The following SUZ12 variants were observed in gnomAD, a reference collection of about 807,000 sequenced individuals.
SUZ12 encodes SUZ12 polycomb repressive complex 2 subunit.
Under a neutral mutation model 87.3 loss-of-function variants are expected in SUZ12, and 17 were observed. The observed-to-expected ratio is 0.19, with a 90% confidence interval of 0.13 to 0.29. SUZ12 has a LOEUF of 0.29. Ranked by LOEUF, SUZ12 falls within the 10% of genes least tolerant of loss-of-function variation. The pLI is 1.00. For missense variants in SUZ12, 526 were observed against 912.2 expected (o/e 0.58, Z 5.45); for synonymous variants, 253 against 312.4 (o/e 0.81, Z 2.01).
intron 8 of SUZ12, among the ~76,000 whole-genome samples, chr17:31,979,102 C>CAAAAAA (rs1908933937): frequency 1.8e-5 from 1 of 56,122 alleles, no homozygotes; most frequent in Non-Finnish European, 3.1e-5. Context: ...GACTGTGTCT[C>CAAAAAA]CAAAAAAAAA....
chr17:31,995,855 C>T, intron 14 of SUZ12, 93 bp downstream of exon 14: 2 of 792,206 alleles, frequency 2.5e-6, no homozygotes. Flanking sequence ...TGTAAAGGAA[C>T]TTTTTTTAAA....
chr17:31,967,826 A>G (rs1232545184), intron 5 of SUZ12, among the ~76,000 whole-genome samples: 2 of 152,098 alleles, frequency 1.3e-5, no homozygotes, highest in African/African-American at 4.8e-5. Context: ...TGATTGCACA[A>G]CTCTACTCCA....
intron 4 of SUZ12, among the ~76,000 whole-genome samples, chr17:31,949,852 T>A (rs1421476659): frequency 1.3e-5 from 2 of 151,362 alleles, no homozygotes; most frequent in Non-Finnish European, 2.9e-5. Context: ...CCCAGCTGAT[T>A]TTGTATTTTT....
At chr17:31,967,067 T>A (rs1908137203) in intron 5 of SUZ12, 1 of 151,770 alleles carries the variant, frequency 6.6e-6, no homozygotes, top group African/African-American at 2.4e-5. Flanking sequence ...GGCGTGGTGG[T>A]GGGTGCCTGT....
intron 15 of SUZ12, among the ~76,000 whole-genome samples, chr17:31,998,330 C>T (rs1163887084): frequency 1.3e-5 from 2 of 152,058 alleles, no homozygotes; most frequent in East Asian, 3.9e-4. Context: ...CCACCCACCT[C>T]GGCCTCCCAA....
In SUZ12 at chr17:31,939,366, A is replaced by C. The variant is rs566614583; in HGVS notation, c.275-920A>C. Among the ~76,000 whole-genome samples the C allele has an allele frequency of 9.5e-4, 144 of 151,880 alleles. 2 individuals carry two copies. The highest frequency in any genetic ancestry group is 3.5e-3 in the African/African-American group (144 of 41,382). On this transcript the variant is annotated intron_variant, in intron 1 of 15. Transcript: ENST00000322652. ...GATCTGTTGAGCCCACGAGTTTGAG[A>C]CCAGCCTGGGCAACATATCAAGACC...
At chr17:31,973,267 G>T (rs1316287289) in intron 6 of SUZ12, 36 bp downstream of exon 6, 5 of 1,318,016 alleles carry the variant, frequency 3.8e-6, no homozygotes, top group Non-Finnish European at 5.2e-6. Flanking sequence ...AGATTAAATG[G>T]AATAATTTGC....
At chr17:31,972,470 T>G (rs1375023321) in intron 5 of SUZ12, among the ~76,000 whole-genome samples, 1 of 151,568 alleles carries the variant, frequency 6.6e-6, no homozygotes, top group Non-Finnish European at 1.5e-5. Context: ...TAGAGGGCAG[T>G]GACAGGATCA....
At chr17:31,970,680 A>T (rs1340399684) in intron 5 of SUZ12, among the ~76,000 whole-genome samples, 2 of 152,036 alleles carry the variant, frequency 1.3e-5, no homozygotes, top group African/African-American at 4.8e-5. Flanking sequence ...TGTAGTCTGT[A>T]GTCCCAGCTA....
At chr17:31,952,336 A>G (rs897096307) in intron 4 of SUZ12, among the ~76,000 whole-genome samples, 13 of 152,186 alleles carry the variant, frequency 8.5e-5, no homozygotes, top group African/African-American at 3.1e-4. Flanking sequence ...CCGGGATTAC[A>G]GGTGTGAGCC....
At chr17:31,953,942 G>C (rs1907141382) in intron 4 of SUZ12, among the ~76,000 whole-genome samples, 3 of 151,450 alleles carry the variant, frequency 2.0e-5, no homozygotes, top group Admixed American at 2.0e-4. Context: ...TTGATCTCCT[G>C]ACCTTGTGAT....
At chr17:31,974,886 G>T (rs1469831787) in intron 6 of SUZ12, among the ~76,000 whole-genome samples, 1 of 152,022 alleles carries the variant, frequency 6.6e-6, no homozygotes, top group African/African-American at 2.4e-5. Flanking sequence ...TACAATAACA[G>T]AATATTACTC....
At chr17:31,971,265 A>G (rs1434757657) in intron 5 of SUZ12, among the ~76,000 whole-genome samples, 2 of 152,136 alleles carry the variant, frequency 1.3e-5, no homozygotes, top group Admixed American at 6.6e-5. Flanking sequence ...GGTCAGATCA[A>G]GAACTTTTTA....
At chr17:31,978,543 G>A (rs1240239399) in intron 8 of SUZ12, among the ~76,000 whole-genome samples, 2 of 152,030 alleles carry the variant, frequency 1.3e-5, no homozygotes, top group Non-Finnish European at 2.9e-5. Context: ...ATTGTGGATC[G>A]AAGATTTAAA....
At chr17:31,972,006 G>A (rs1450942067) in intron 5 of SUZ12, among the ~76,000 whole-genome samples, 10 of 151,966 alleles carry the variant, frequency 6.6e-5, no homozygotes, top group African/African-American at 1.2e-4. Flanking sequence ...AAATATGGCC[G>A]GGTGTGGTGG....
chr17:31,987,167 CA>C (rs1366969706), intron 9 of SUZ12, among the ~76,000 whole-genome samples: 1 of 151,904 alleles, frequency 6.6e-6, no homozygotes, highest in Non-Finnish European at 1.5e-5. Flanking sequence ...AATATAATTC[CA>C]AAATTTTTAG....
At position 31,949,676 on chromosome 17, in the gene SUZ12, C is replaced by CTTTTTTTTTTTTTT. The variant is rs71360790; in HGVS notation, c.455+2007_455+2020dup. On this transcript the variant is annotated intron_variant, in intron 4 of 15. Transcript: ENST00000322652. ...CCACACCCAGCCCCCCCCCCCCCCC[C>CTTTTTTTTTTTTTT]TTTTTTTTTTTTTTTTTTTTTTTTT... Among the ~76,000 whole-genome samples, 2 of 12,388 alleles carry CTTTTTTTTTTTTTT rather than the reference C, an allele frequency of 1.6e-4. 1 individual carries two copies. Among genetic ancestry groups the CTTTTTTTTTTTTTT allele is most frequent in the African/African-American group, 6.9e-4 (2 of 2,884 alleles). The allele number at this position is 12,388 out of a possible 152,430, so 8.1% of individuals were successfully genotyped here. A position where few individuals can be genotyped will look rare whatever the true frequency, so the allele number is the denominator to read the frequency against.
intron 15 of SUZ12, 80 bp from the exon 16 acceptor site, chr17:31,998,578 G>C: frequency 1.0e-6 from 1 of 980,554 alleles, no homozygotes; most frequent in Non-Finnish European, 1.4e-6. Context: ...ATTGGATATA[G>C]TCTTATTATA....
intron 14 of SUZ12, 130 bp from the exon 15 acceptor site, chr17:31,996,668 T>A: frequency 1.8e-6 from 1 of 565,016 alleles, no homozygotes; most frequent in South Asian, 2.7e-5. Flanking sequence ...AGAAGTTAAT[T>A]TTAAGAAATG....
Sources: allele counts gnomAD v4.1 joint callset (sites outside exome capture counted in the v4.1 genomes callset), GRCh38; gene constraint gnomAD v4.1.1; transcripts MANE v1.5; gene names NCBI Gene and HGNC (gene_info 2026-07-23, HGNC 2026-07-21).